The following PIGK variants were observed in gnomAD, a reference collection of about 807,000 sequenced individuals.
PIGK encodes phosphatidylinositol glycan anchor biosynthesis class K.
A neutral mutation model predicts 50.6 loss-of-function variants in PIGK; 42 were observed. The ratio of observed to expected loss-of-function variants is 0.83; its 90% CI spans 0.65 to 1.07. The LOEUF (loss-of-function observed/expected upper bound fraction) is 1.07. PIGK is among the 50% of genes least tolerant of loss of function. PIGK has a pLI of 0.00. For missense variants in PIGK, 448 were observed against 488.7 expected (o/e 0.92, Z 0.78); for synonymous variants, 151 against 156.0 (o/e 0.97, Z 0.24).
In PIGK at chr1:77,218,976, G is replaced by A. The variant is rs530971944; in HGVS notation, c.93+334C>T. Among the ~76,000 whole-genome samples, 8 of 152,218 alleles carry A rather than the reference G, an allele frequency of 5.3e-5. No individual in the cohort carries two copies. In the South Asian group the frequency reaches 6.2e-4, roughly 12 times the overall value. ...GTTCCGTCTGACTCCTATCAAAACA[G>A]AGGGCTGCAGTTGAGTAGTAGGAAA... is the stretch of plus-strand genomic sequence containing the variant. On this transcript the variant is annotated intron_variant, in intron 1 of 10. Coordinates refer to ENST00000370812, the MANE Select transcript of PIGK (RefSeq NM_005482.3).
intron 3 of PIGK, among the ~76,000 whole-genome samples, chr1:77,188,878 C>A (rs983059861): frequency 6.6e-5 from 10 of 152,100 alleles, no homozygotes; most frequent in Non-Finnish European, 1.2e-4. Context: ...AGGAAAAAAA[C>A]CAAGACTTGT....
intron 10 of PIGK, among the ~76,000 whole-genome samples, chr1:77,105,385 T>C (rs911538134): frequency 3.9e-5 from 6 of 151,988 alleles, no homozygotes; most frequent in Admixed American, 3.9e-4. Context: ...CTTTGGGCCA[T>C]GGGTTTCAGG....
intron 3 of PIGK, chr1:77,195,489 T>C (rs891028179): frequency 1.9e-5 from 14 of 739,184 alleles, no homozygotes; most frequent in Admixed American, 1.0e-4. Flanking sequence ...AGAATGACTA[T>C]TAAAATGGCA....
chr1:77,192,386 G>T (rs1655928450), intron 3 of PIGK, among the ~76,000 whole-genome samples: 1 of 152,114 alleles, frequency 6.6e-6, no homozygotes, highest in African/African-American at 2.4e-5. Flanking sequence ...TCATTCTCAT[G>T]AATTTGATTT....
chr1:77,198,649 T>A (rs1345542387), intron 3 of PIGK, among the ~76,000 whole-genome samples: 1 of 151,874 alleles, frequency 6.6e-6, no homozygotes, highest in Non-Finnish European at 1.5e-5. Context: ...TTTACAATAA[T>A]AACAAAAAAT....
chr1:77,211,255 T>A (rs549595201), intron 1 of PIGK, among the ~76,000 whole-genome samples: 7 of 152,068 alleles, frequency 4.6e-5, no homozygotes, highest in African/African-American at 1.2e-4. Flanking sequence ...GGGTTTTTAA[T>A]AAATATTTTT....
At chr1:77,141,005 A>G (rs1654638294) in intron 9 of PIGK, among the ~76,000 whole-genome samples, 1 of 152,244 alleles carries the variant, frequency 6.6e-6, no homozygotes, top group South Asian at 2.1e-4. Context: ...CAATCTTTAA[A>G]TCACCTAAGA....
intron 9 of PIGK, among the ~76,000 whole-genome samples, chr1:77,141,606 T>C (rs1570216838): frequency 1.3e-5 from 2 of 152,156 alleles, no homozygotes; most frequent in African/African-American, 4.8e-5. Flanking sequence ...TGGAGCATAA[T>C]ACAGCTCGTC....
intron 1 of PIGK, among the ~76,000 whole-genome samples, chr1:77,214,809 G>T (rs1422675460): frequency 1.3e-5 from 2 of 152,044 alleles, no homozygotes; most frequent in African/African-American, 2.4e-5. Context: ...AAAGTTGCAA[G>T]ACTCAAAAAT....
chr1:77,206,777 C>A (rs1487548067), intron 2 of PIGK, 46 bp from the exon 3 acceptor site: 1 of 1,079,444 alleles, frequency 9.3e-7, no homozygotes, highest in East Asian at 2.4e-5. Flanking sequence ...TCAAGGCTAA[C>A]CATGGAGCTG....
chr1:77,215,874 T>C (rs539734133), intron 1 of PIGK, among the ~76,000 whole-genome samples: 1 of 152,174 alleles, frequency 6.6e-6, no homozygotes, highest in South Asian at 2.1e-4. Flanking sequence ...ATCACCCAGA[T>C]ACGGACATTT....
chr1:77,094,121 T>C (rs112995621), intron 10 of PIGK, among the ~76,000 whole-genome samples: 2,023 of 152,248 alleles, frequency 0.013, 50 homozygotes, highest in African/African-American at 0.046. Flanking sequence ...CACAAAAGGG[T>C]TGAAAATGTT....
chr1:77,125,435 T>C (rs909885312), intron 9 of PIGK, among the ~76,000 whole-genome samples: 4 of 152,154 alleles, frequency 2.6e-5, no homozygotes, highest in African/African-American at 9.7e-5. Flanking sequence ...TGTGGATATA[T>C]GAGTATTTTA....
Position 77,098,232 on chromosome 1 carries a change from A to T in PIGK, c.1072-5742T>A, listed in dbSNP as rs187614995. ...TTTACATGGTTCAGAATTAAATGTA[A>T]AAATAGAAGAAGAAAAAAAAGAGAT... is the stretch of plus-strand genomic sequence containing the variant. On this transcript the variant is annotated intron_variant, in intron 10 of 10. Transcript: ENST00000370812. 2.7e-3 allele frequency among the ~76,000 whole-genome samples: 417 copies of T among 152,328 alleles called. 1 individual carries two copies. The highest frequency in any genetic ancestry group is 9.2e-3 in the African/African-American group (384 of 41,568).
At chr1:77,212,618 A>C (rs1404270919) in intron 1 of PIGK, among the ~76,000 whole-genome samples, 1 of 152,248 alleles carries the variant, frequency 6.6e-6, no homozygotes, top group African/African-American at 2.4e-5. Context: ...ATGAAAAAGG[A>C]CATTCCACAC....
At chr1:77,199,236 C>A (rs955816655) in intron 3 of PIGK, among the ~76,000 whole-genome samples, 1 of 152,016 alleles carries the variant, frequency 6.6e-6, no homozygotes, top group Non-Finnish European at 1.5e-5. Flanking sequence ...CTAAGTGTTT[C>A]TCTATTCAAG....
chr1:77,189,489 C>G (rs1655833596), intron 3 of PIGK, among the ~76,000 whole-genome samples: 1 of 151,832 alleles, frequency 6.6e-6, no homozygotes. Flanking sequence ...GCCAGGGTGG[C>G]TAGAATATAA....
chr1:77,183,537 T>C (rs1258382965), intron 3 of PIGK, among the ~76,000 whole-genome samples: 1 of 152,100 alleles, frequency 6.6e-6, no homozygotes, highest in African/African-American at 2.4e-5. Context: ...CATGAGGAGG[T>C]GCACTACACT....
At chr1:77,131,889 C>T (rs927276411) in intron 9 of PIGK, among the ~76,000 whole-genome samples, 1 of 151,962 alleles carries the variant, frequency 6.6e-6, no homozygotes. Context: ...GAATTATATT[C>T]GTTCCACCAA....
Sources: allele counts gnomAD v4.1 joint callset (sites outside exome capture counted in the v4.1 genomes callset), GRCh38; gene constraint gnomAD v4.1.1; transcripts MANE v1.5; gene names NCBI Gene and HGNC (gene_info 2026-07-23, HGNC 2026-07-21).